The following B9D1 variants were observed in gnomAD, a reference collection of about 807,000 sequenced individuals.
B9D1 encodes B9 domain containing 1.
Under a neutral mutation model 26.1 loss-of-function variants are expected in B9D1, and 20 were observed. The observed-to-expected ratio is 0.77, with a 90% CI of 0.54 to 1.12. The LOEUF is 1.12. B9D1 is among the 50% of genes most tolerant of loss of function. The pLI is 0.00. For missense variants in B9D1, 260 were observed against 273.7 expected (o/e 0.95, Z 0.35); for synonymous variants, 105 against 103.1 (o/e 1.02, Z -0.11).
chr17:19,335,255 TA>T, downstream of B9D1: 2 of 708,884 alleles, frequency 2.8e-6, no homozygotes, highest in Non-Finnish European at 4.4e-6. Flanking sequence ...GGTGAATTAC[TA>T]AACTGATTGA....
chr17:19,355,548 G>T (rs1910218605), intron 3 of B9D1, among the ~76,000 whole-genome samples: 1 of 143,334 alleles, frequency 7.0e-6, no homozygotes, highest in Admixed American at 7.0e-5. Flanking sequence ...AAAAAAAATC[G>T]GCTGGGCGTG....
Position 19,347,828 on chromosome 17 carries a change from C to T in B9D1, c.297G>A (p.Val99=). The T allele has an allele frequency of 6.2e-7, 1 of 1,614,072 alleles. No homozygotes were observed. The highest frequency in any genetic ancestry group is 8.5e-7 in the Non-Finnish European group (1 of 1,180,004). ...VYGPDVFGND[V]VRGYGAVHVP... ...CGTGCACGGCCCCATAGCCTCGAAC[C>T]ACATCGTTCCCGAACACATCTGGTC... is the stretch of plus-strand genomic sequence containing the variant. The change falls in exon 4 of 7, where the codon GTG becomes GTA. Residue 99 remains valine, a synonymous_variant. Coordinates refer to ENST00000261499, the MANE Select transcript of B9D1 (RefSeq NM_015681.6). The surrounding 1 kb of genome is among the most constrained non-coding windows in gnomAD (Gnocchi z 4.3).
chr17:19,341,367 G>T (rs1044554551), downstream of B9D1: 111 of 1,217,128 alleles, frequency 9.1e-5, no homozygotes, highest in Non-Finnish European at 1.1e-4. Flanking sequence ...AGCTGAGGGT[G>T]CTGGGCTTTT....
chr17:19,362,466 A>C (rs2152278622), intron 1 of B9D1, 41 bp downstream of exon 1: 2 of 1,481,850 alleles, frequency 1.3e-6, no homozygotes, highest in East Asian at 4.9e-5. Context: ...GCCCCGGGGG[A>C]CGCTGGGGGG....
At chr17:19,343,686 A>G (rs755427924) in intron 6 of B9D1, 104 bp downstream of exon 6, 3 of 1,611,322 alleles carry the variant, frequency 1.9e-6, no homozygotes, top group South Asian at 2.2e-5. Context: ...GCTAGCTCCT[A>G]TGTGCCTGGC....
chr17:19,362,239 A>C (rs1329785208), intron 1 of B9D1, among the ~76,000 whole-genome samples: 4 of 152,186 alleles, frequency 2.6e-5, no homozygotes, highest in African/African-American at 9.7e-5. Context: ...AGTGGGCATG[A>C]CCCGTGCGAG....
In B9D1 at chr17:19,347,191, CACAAACT is replaced by C. The variant is rs762464215; in HGVS notation, c.404+71_404+77del. Reference sequence around the variant, plus strand: ...TTGCAGATCTGAGGAGGCGACCAGGCACAAACTGAGGGGTAGAATGGGACATCCATTC... The same window carrying C: ...TTGCAGATCTGAGGAGGCGACCAGGCGAGGGGTAGAATGGGACATCCATTC... On this transcript the variant is annotated intron_variant, in intron 5 of 6. Transcript: ENST00000261499. The surrounding 1 kb of genome is among the most constrained non-coding windows in gnomAD (Gnocchi z 4.3). 7.4e-6 allele frequency: 12 copies of C among 1,613,974 alleles called. No homozygotes were observed. The highest frequency in any genetic ancestry group is 1.6e-4 in the Middle Eastern group (1 of 6,084).
At chr17:19,367,503 G>A (rs963281748), upstream of B9D1, among the ~76,000 whole-genome samples, 2 of 151,990 alleles carry the variant, frequency 1.3e-5, no homozygotes, top group African/African-American at 2.4e-5. Context: ...GTAGAGACAC[G>A]GTTTCCCCAT....
intron 3 of B9D1, among the ~76,000 whole-genome samples, chr17:19,353,100 T>G (rs959978735): frequency 8.0e-5 from 12 of 150,590 alleles, no homozygotes; most frequent in Admixed American, 1.3e-4. Context: ...CTCACCCTCC[T>G]GAGTAGCTGG....
At chr17:19,342,663 C>G (rs1282560232), downstream of B9D1, among the ~76,000 whole-genome samples, 1 of 152,164 alleles carries the variant, frequency 6.6e-6, no homozygotes, top group African/African-American at 2.4e-5. Flanking sequence ...TCACCTTCCT[C>G]TCCTGCCAAG....
upstream of B9D1, among the ~76,000 whole-genome samples, chr17:19,365,324 G>A (rs1911530984): frequency 6.6e-6 from 1 of 152,262 alleles, no homozygotes. The surrounding 1 kb of genome is among the most constrained non-coding windows in gnomAD (Gnocchi z 5.0). Context: ...AAGGCCAACT[G>A]TGGAGAGAGG....
downstream of B9D1, among the ~76,000 whole-genome samples, chr17:19,338,482 A>G (rs1311531472): frequency 6.6e-6 from 1 of 152,222 alleles, no homozygotes; most frequent in African/African-American, 2.4e-5. Context: ...AATCAGTTCC[A>G]TGTACAAATA....
At chr17:19,373,720 T>C (rs1911994819) in intron 1 of B9D1, among the ~76,000 whole-genome samples, 1 of 151,986 alleles carries the variant, frequency 6.6e-6, no homozygotes, top group South Asian at 2.1e-4. Context: ...AGAGACAGGG[T>C]TTCATCATGT....
chr17:19,376,622 TACAAAAAAAA>T (rs1912124873), intron 1 of B9D1, among the ~76,000 whole-genome samples: 1 of 3,672 alleles, frequency 2.7e-4, no homozygotes, highest in African/African-American at 7.3e-4. Context: ...TCTACTAAAA[TACAAAAAAAA>T]AAAAAAAAAA....
At chr17:19,336,009 CAGA>C (rs1907415189), downstream of B9D1, 1 of 152,560 alleles carries the variant, frequency 6.6e-6, no homozygotes, top group African/African-American at 2.4e-5. Context: ...TCTCTGGTTC[CAGA>C]AGATTACCCT....
chr17:19,348,495 A>T (rs1909162255), intron 3 of B9D1, among the ~76,000 whole-genome samples: 1 of 152,202 alleles, frequency 6.6e-6, no homozygotes, highest in Non-Finnish European at 1.5e-5. Flanking sequence ...CTGATCCTGC[A>T]GCCACGACTG....
At position 19,357,823 on chromosome 17, in the gene B9D1, G is replaced by T; in HGVS notation, c.244+17C>A. On this transcript the variant is annotated intron_variant, in intron 3 of 6. Transcript: ENST00000261499. Reference sequence around the variant, plus strand: ...AAAGCTCTGCCACCCTACCCCACAGGGCCCCTGCAGACTCACAGCCGTAGG... The same window carrying T: ...AAAGCTCTGCCACCCTACCCCACAGTGCCCCTGCAGACTCACAGCCGTAGG... 1 of 1,591,338 alleles carries T rather than the reference G, an allele frequency of 6.3e-7. No individual in the cohort carries two copies. The highest frequency in any genetic ancestry group is 8.6e-7 in the Non-Finnish European group (1 of 1,159,872).
chr17:19,336,323 G>C (rs976427959), downstream of B9D1: 1 of 152,298 alleles, frequency 6.6e-6, no homozygotes, highest in African/African-American at 2.4e-5. Flanking sequence ...TTCAGACGGT[G>C]CAGGGCCTGG....
chr17:19,356,180 C>T (rs571252221), intron 3 of B9D1, among the ~76,000 whole-genome samples: 1 of 152,200 alleles, frequency 6.6e-6, no homozygotes, highest in African/African-American at 2.4e-5. Context: ...CAGCCTCGAC[C>T]TCCTAGGCTC....
Sources: gnomAD v4.1 joint callset for allele counts (sites outside exome capture counted in the v4.1 genomes callset) on GRCh38, gnomAD v4.1.1 for gene constraint, Gnocchi (gnomAD v3.1) non-coding constraint, MANE v1.5 for transcripts, NCBI Gene and HGNC (gene_info 2026-07-23, HGNC 2026-07-21) for gene names.